CCDC60: variants seen among roughly 807,000 people sequenced by gnomAD.
CCDC60 encodes the protein coiled-coil domain-containing protein 60.
A neutral mutation model predicts 63.5 loss-of-function variants in CCDC60; 54 were observed. That is an observed-to-expected ratio of 0.85 (90% CI 0.68 to 1.07). CCDC60 has a LOEUF of 1.07. Among genes scored for constraint, CCDC60 ranks in the 50% least tolerant of loss-of-function variants. The probability of loss-of-function intolerance (pLI) is 0.00; values close to 1 mark genes in which losing one functional copy is unlikely to be tolerated. For missense variants in CCDC60, 651 were observed against 684.3 expected (o/e 0.95, Z 0.54); for synonymous variants, 206 against 238.8 (o/e 0.86, Z 1.27).
intron 5 of CCDC60, among the ~76,000 whole-genome samples, chr12:119,495,285 C>T (rs1458650212): frequency 6.6e-6 from 1 of 152,140 alleles, no homozygotes; most frequent in Non-Finnish European, 1.5e-5. Context: ...TAATCTGATG[C>T]CCCGCCTCGA....
intron 1 of CCDC60, among the ~76,000 whole-genome samples, chr12:119,422,744 G>T (rs552651403): frequency 6.6e-6 from 1 of 152,160 alleles, no homozygotes; most frequent in Non-Finnish European, 1.5e-5. Context: ...GATCCAAACC[G>T]TATCAGATGG....
At chr12:119,497,344 A>G (rs1426891419) in intron 5 of CCDC60, among the ~76,000 whole-genome samples, 2 of 152,138 alleles carry the variant, frequency 1.3e-5, no homozygotes, top group Admixed American at 6.6e-5. Flanking sequence ...TCCTTCCCCT[A>G]TTGATCTTCC....
intron 1 of CCDC60, among the ~76,000 whole-genome samples, chr12:119,413,160 G>C (rs1404015822): frequency 1.3e-5 from 2 of 152,156 alleles, no homozygotes; most frequent in Non-Finnish European, 2.9e-5. Flanking sequence ...TTTCAAAAGA[G>C]CTTATGAGAT....
chr12:119,415,395 A>G (rs1956681192), intron 1 of CCDC60, among the ~76,000 whole-genome samples: 1 of 152,256 alleles, frequency 6.6e-6, no homozygotes, highest in African/African-American at 2.4e-5. Context: ...TAGACCATAG[A>G]GATCAGGACA....
At chr12:119,483,091 T>C (rs1463396331) in intron 4 of CCDC60, among the ~76,000 whole-genome samples, 1 of 152,180 alleles carries the variant, frequency 6.6e-6, no homozygotes, top group Non-Finnish European at 1.5e-5. Flanking sequence ...AGTTACCCTC[T>C]CACCACATTC....
chr12:119,493,112 G>A (rs1951627588), intron 5 of CCDC60, among the ~76,000 whole-genome samples: 1 of 152,168 alleles, frequency 6.6e-6, no homozygotes, highest in South Asian at 2.1e-4. Context: ...TCTCCTGACT[G>A]TGCTTTTCTG....
At chr12:119,481,480 T>G (rs1285885948) in intron 4 of CCDC60, among the ~76,000 whole-genome samples, 1 of 152,198 alleles carries the variant, frequency 6.6e-6, no homozygotes, top group Admixed American at 6.5e-5. Flanking sequence ...TCTGAGCCAT[T>G]GAGGCTTACT....
intron 1 of CCDC60, among the ~76,000 whole-genome samples, chr12:119,396,031 G>A (rs1238637597): frequency 5.9e-5 from 9 of 151,950 alleles, no homozygotes; most frequent in Non-Finnish European, 2.9e-5. Flanking sequence ...TCTGCCTCCC[G>A]GGTTCAAGCG....
intron 7 of CCDC60, among the ~76,000 whole-genome samples, chr12:119,507,483 T>C (rs903710367): frequency 6.9e-6 from 1 of 144,468 alleles, no homozygotes; most frequent in African/African-American, 2.5e-5. Flanking sequence ...TATACATATA[T>C]ACACATATAT....
chr12:119,384,572 A>G (rs1956040973), intron 1 of CCDC60, among the ~76,000 whole-genome samples: 1 of 152,348 alleles, frequency 6.6e-6, no homozygotes, highest in South Asian at 2.1e-4. Context: ...AGCTGGGAGA[A>G]GACAGACCTG....
chr12:119,513,430 T>A (rs1387551445), intron 7 of CCDC60, among the ~76,000 whole-genome samples: 1 of 152,322 alleles, frequency 6.6e-6, no homozygotes, highest in East Asian at 1.9e-4. Context: ...AGAATAGTTC[T>A]CTCCTTTTCT....
chr12:119,424,207 G>A (rs879649134), intron 1 of CCDC60, among the ~76,000 whole-genome samples: 2 of 152,080 alleles, frequency 1.3e-5, no homozygotes, highest in Admixed American at 6.6e-5. Context: ...TACATTTCTG[G>A]AAATGTCTAT....
At chr12:119,504,528 G>C (rs1289244747) in intron 6 of CCDC60, among the ~76,000 whole-genome samples, 3 of 152,046 alleles carry the variant, frequency 2.0e-5, no homozygotes, top group Non-Finnish European at 2.9e-5. Context: ...CATCCTAAAT[G>C]TCAGGCCTAC....
chr12:119,416,587 A>C (rs1261372422), intron 1 of CCDC60, among the ~76,000 whole-genome samples: 1 of 152,180 alleles, frequency 6.6e-6, no homozygotes, highest in Non-Finnish European at 1.5e-5. Context: ...AAGGGGAAAA[A>C]AATCCCTGCT....
At chr12:119,376,630 A>G (rs1565976189) in intron 1 of CCDC60, among the ~76,000 whole-genome samples, 3 of 152,174 alleles carry the variant, frequency 2.0e-5, no homozygotes. Flanking sequence ...TTTGTCTCAA[A>G]AAAATAAAAT....
At chr12:119,454,642 T>A (rs1166438584) in intron 2 of CCDC60, among the ~76,000 whole-genome samples, 1 of 152,206 alleles carries the variant, frequency 6.6e-6, no homozygotes, top group Non-Finnish European at 1.5e-5. Flanking sequence ...CAATAGCATT[T>A]TAAATGTGTG....
At chr12:119,510,338 T>A (rs1277717754) in intron 7 of CCDC60, among the ~76,000 whole-genome samples, 1 of 152,102 alleles carries the variant, frequency 6.6e-6, no homozygotes, top group Non-Finnish European at 1.5e-5. Context: ...CAATGCACAC[T>A]CTTGTATGAC....
intron 9 of CCDC60, among the ~76,000 whole-genome samples, chr12:119,522,578 A>T (rs1952558225): frequency 1.3e-5 from 2 of 152,326 alleles, no homozygotes; most frequent in Admixed American, 1.3e-4. Context: ...AGACAAAGAG[A>T]ACAGTTTTAC....
chr12:119,440,258 C>T (rs980703594), intron 2 of CCDC60, among the ~76,000 whole-genome samples: 1 of 152,154 alleles, frequency 6.6e-6, no homozygotes, highest in African/African-American at 2.4e-5. Context: ...CGACCGGGCA[C>T]GGTGGCTCAC....
Sources: gnomAD v4.1 joint callset for allele counts (sites outside exome capture counted in the v4.1 genomes callset) on GRCh38, gnomAD v4.1.1 for gene constraint, MANE v1.5 for transcripts, NCBI Gene and HGNC (gene_info 2026-07-23, HGNC 2026-07-21) for gene names.